Variants in TRIML2 observed in about 807,000 individuals in gnomAD.
The protein encoded by TRIML2 is tripartite motif family like 2, also known as probable E3 ubiquitin-protein ligase TRIML2.
Under a neutral mutation model 31.2 loss-of-function variants are expected in TRIML2, and 28 were observed. The ratio of observed to expected loss-of-function variants is 0.90; its 90% CI spans 0.66 to 1.23. The LOEUF (loss-of-function observed/expected upper bound fraction) is 1.23, where lower values mean the gene tolerates loss of function less well. Among genes scored for constraint, TRIML2 ranks in the 50% most tolerant of loss-of-function variants. The pLI is 0.00. For synonymous variants in TRIML2, 187 were observed against 197.5 expected (o/e 0.95, Z 0.45); for missense variants, 536 against 528.3 (o/e 1.01, Z -0.14).
chr4:188,103,706 T>C (rs1411169101), intron 3 of TRIML2, among the ~76,000 whole-genome samples: 2 of 152,212 alleles, frequency 1.3e-5, no homozygotes, highest in African/African-American at 4.8e-5. Context: ...TACTATATAT[T>C]AAACTTATTT....
At chr4:188,096,894 C>T (rs1733543441) in intron 7 of TRIML2, among the ~76,000 whole-genome samples, 167 bp downstream of exon 7, 1 of 152,078 alleles carries the variant, frequency 6.6e-6, no homozygotes, top group Non-Finnish European at 1.5e-5. Context: ...TGGCCTCAAG[C>T]AAACCGCCCG....
chr4:188,092,052 C>T, intron 7 of TRIML2, 111 bp from the exon 8 acceptor site: 2 of 1,130,934 alleles, frequency 1.8e-6, no homozygotes, highest in Non-Finnish European at 2.5e-6. Flanking sequence ...GTCCCAGGCC[C>T]AGATACGGGA....
intron 4 of TRIML2, 95 bp downstream of exon 4, chr4:188,100,961 G>C (rs994024842): frequency 8.8e-7 from 1 of 1,133,772 alleles, no homozygotes; most frequent in Non-Finnish European, 1.2e-6. Flanking sequence ...TACATGTGTG[G>C]TTGTCACTGG....
At chr4:188,103,773 T>C (rs931329450) in intron 3 of TRIML2, among the ~76,000 whole-genome samples, 38 of 152,170 alleles carry the variant, frequency 2.5e-4, no homozygotes, top group Admixed American at 2.2e-3. Context: ...TTTTTTGTTT[T>C]CCATTGGTGA....
chr4:188,091,525 C>T lies in TRIML2; in HGVS notation c.1162G>A (p.Glu388Lys), dbSNP rs1361328026. The T allele has an allele frequency of 8.1e-6, 13 of 1,614,126 alleles. No individual in the cohort carries two copies. Among genetic ancestry groups the T allele is most frequent in the Admixed American group, 5.0e-5 (3 of 59,990 alleles). Residue 388 changes from glutamate to lysine, a missense_variant, in exon 8 of 8, where the codon GAG becomes AAG. Physicochemically the swap from Glu to Lys is moderately conservative, Grantham distance 56. Transcript: ENST00000682553. ...GAGAAATTGTAAATGAGGGACATCT[C>T]GGTCACATTGTAGAATGATATCTGC... is the stretch of plus-strand genomic sequence containing the variant. ...HGQISFYNVT[E>K]MSLIYNFSHC... is the part of the protein sequence containing the mutation.
Sources: gnomAD v4.1 joint callset for allele counts (sites outside exome capture counted in the v4.1 genomes callset) on GRCh38, gnomAD v4.1.1 for gene constraint, MANE v1.5 for transcripts, NCBI Gene and HGNC (gene_info 2026-07-23, HGNC 2026-07-21) for gene names.